GLMN: variants seen among roughly 807,000 people sequenced by gnomAD.
GLMN encodes the protein glomulin.
A neutral mutation model predicts 87.8 loss-of-function variants in GLMN; 75 were observed. That is an observed-to-expected ratio of 0.85 (90% confidence interval 0.71 to 1.04). The LOEUF is 1.04. GLMN is among the 50% of genes least tolerant of loss of function. The pLI is 0.00. For synonymous variants in GLMN, 206 were observed against 221.6 expected, an observed-to-expected ratio of 0.93 and a Z score of 0.63; for missense variants, 588 against 658.8, an observed-to-expected ratio of 0.89 and a Z score of 1.18.
chr1:92,322,946 A>G, the GLMN span, among the ~76,000 whole-genome samples: 1 of 147,524 alleles, frequency 6.8e-6, no homozygotes, highest in African/African-American at 2.5e-5. Flanking sequence ...TTTATATATT[A>G]TATATAATAT....
chr1:92,361,555 G>C, the GLMN span, among the ~76,000 whole-genome samples: 1 of 152,126 alleles, frequency 6.6e-6, no homozygotes, highest in Non-Finnish European at 1.5e-5. Context: ...TCATTATAGA[G>C]ATGTAATCTG....
chr1:92,275,890 CTT>C (rs1381359108), intron 7 of GLMN, among the ~76,000 whole-genome samples: 1 of 152,124 alleles, frequency 6.6e-6, no homozygotes, highest in Non-Finnish European at 1.5e-5. Context: ...GCCCTTTTCT[CTT>C]GTCACCTCTT....
At chr1:92,307,285 A>G in the GLMN span, 1 of 1,576,210 alleles carries the variant, frequency 6.3e-7, no homozygotes, top group Non-Finnish European at 8.7e-7. Context: ...AGGTAATTTA[A>G]GTCATTGTGT....
Position 92,295,114 on chromosome 1 carries a change from C to T in GLMN, c.165+2290G>A, listed in dbSNP as rs184952484. Among the ~76,000 whole-genome samples, 6 of 152,352 alleles carry T rather than the reference C, an allele frequency of 3.9e-5. No homozygotes were observed. In the East Asian group the frequency reaches 1.2e-3, roughly 29 times the overall value. On this transcript the variant is annotated intron_variant, in intron 3 of 18. Coordinates refer to ENST00000370360, the MANE Select transcript of GLMN (RefSeq NM_053274.3). Reference sequence around the variant, plus strand: ...ATCTATCCCATTAGCTATTCAGAAGCATGCTAAAAATAAAACGCTAAGGCA... The same window carrying T: ...ATCTATCCCATTAGCTATTCAGAAGTATGCTAAAAATAAAACGCTAAGGCA...
the GLMN span, among the ~76,000 whole-genome samples, chr1:92,360,178 A>G: frequency 6.6e-6 from 1 of 152,202 alleles, no homozygotes; most frequent in Non-Finnish European, 1.5e-5. Flanking sequence ...AAAGAGTCCA[A>G]AGTAAGTTTA....
chr1:92,248,427 T>TA (rs528184670), intron 16 of GLMN: 5 of 164,644 alleles, frequency 3.0e-5, no homozygotes, highest in Non-Finnish European at 5.2e-5. Context: ...ACTTTTCTAA[T>TA]ACCCGGCTAA....
chr1:92,369,443 T>G, the GLMN span, among the ~76,000 whole-genome samples: 1 of 152,166 alleles, frequency 6.6e-6, no homozygotes, highest in Non-Finnish European at 1.5e-5. Context: ...TTGTTGGGAC[T>G]TCAGGCGTGC....
intron 7 of GLMN, among the ~76,000 whole-genome samples, chr1:92,285,753 T>C (rs1260517460): frequency 6.6e-6 from 1 of 152,214 alleles, no homozygotes; most frequent in Non-Finnish European, 1.5e-5. Context: ...TAGCTGAACA[T>C]GGCTGAAGAA....
chr1:92,314,333 T>C, the GLMN span, among the ~76,000 whole-genome samples: 2 of 150,564 alleles, frequency 1.3e-5, no homozygotes, highest in African/African-American at 2.5e-5. Flanking sequence ...GCTGTTGCTG[T>C]TGTTTTTTGG....
At chr1:92,322,083 C>T in the GLMN span, among the ~76,000 whole-genome samples, 380 of 150,870 alleles carry the variant, frequency 2.5e-3, 3 homozygotes, top group South Asian at 9.5e-3. Context: ...GTAACTGGGA[C>T]TACAGGCATG....
intron 9 of GLMN, among the ~76,000 whole-genome samples, chr1:92,269,200 C>CTTTTT (rs769947623): frequency 3.0e-5 from 4 of 132,104 alleles, no homozygotes. Context: ...CCGTGCCTGG[C>CTTTTT]TTTTTTTTTT....
At chr1:92,248,422 T>G (rs961526422) in intron 16 of GLMN, 4 of 165,152 alleles carry the variant, frequency 2.4e-5, no homozygotes, top group Non-Finnish European at 3.9e-5. Context: ...TGGAAACTTT[T>G]CTAATACCCG....
At chr1:92,321,831 C>A in the GLMN span, among the ~76,000 whole-genome samples, 1 of 151,778 alleles carries the variant, frequency 6.6e-6, no homozygotes, top group South Asian at 2.1e-4. Context: ...CAACAATCAA[C>A]CAGAATTAGA....
the GLMN span, among the ~76,000 whole-genome samples, chr1:92,336,711 A>G: frequency 1.3e-5 from 2 of 152,128 alleles, no homozygotes; most frequent in African/African-American, 2.4e-5. Context: ...CAGTAATACT[A>G]TGGGTTTAAG....
the GLMN span, among the ~76,000 whole-genome samples, chr1:92,320,297 G>A: frequency 6.6e-6 from 1 of 151,552 alleles, no homozygotes; most frequent in East Asian, 1.9e-4. Flanking sequence ...TTCTTAAGAT[G>A]GAGTCTCGCT....
In GLMN at chr1:92,266,440, T is replaced by C. The variant is rs753477909; in HGVS notation, c.1193A>G (p.Gln398Arg). 1.3e-6 allele frequency: 2 copies of C among 1,563,938 alleles called. No individual in the cohort carries two copies. The highest frequency in any genetic ancestry group is 2.2e-5 in the East Asian group (1 of 44,552). Residue 398 changes from glutamine to arginine, a missense_variant, in exon 13 of 19, where the codon CAA becomes CGA. Gln to Arg is a conservative substitution (Grantham distance 43). Coordinates refer to ENST00000370360, the MANE Select transcript of GLMN (RefSeq NM_053274.3). ...ATACCTAAATAATGTATATTTGCCT[T>C]GTGAATCCAACTTGTTAATATACAG... is the stretch of plus-strand genomic sequence containing the variant. Reference protein sequence around the residue: ...LQLYINKLDSQGKYTLFRCLL... With the variant: ...LQLYINKLDSRGKYTLFRCLL...
At chr1:92,275,081 A>C (rs1156410086) in intron 7 of GLMN, among the ~76,000 whole-genome samples, 1 of 152,160 alleles carries the variant, frequency 6.6e-6, no homozygotes, top group Non-Finnish European at 1.5e-5. Context: ...GACTGTTACC[A>C]CTATAGTTGT....
At chr1:92,305,397 C>T in the GLMN span, among the ~76,000 whole-genome samples, 3 of 116,850 alleles carry the variant, frequency 2.6e-5, no homozygotes, top group African/African-American at 1.1e-4. Flanking sequence ...CGCACCACTG[C>T]ATTCCAGCCG....
intron 16 of GLMN, among the ~76,000 whole-genome samples, chr1:92,254,954 C>A (rs1487362114): frequency 2.0e-5 from 3 of 152,194 alleles, no homozygotes; most frequent in Middle Eastern, 3.4e-3. Context: ...TTAAAAAGCA[C>A]AGACTGGCAA....
Sources: allele counts gnomAD v4.1 joint callset (sites outside exome capture counted in the v4.1 genomes callset), GRCh38; gene constraint gnomAD v4.1.1; transcripts MANE v1.5; gene names NCBI Gene and HGNC (gene_info 2026-07-23, HGNC 2026-07-21).